MCTP1: variants seen among roughly 807,000 people sequenced by gnomAD.
MCTP1 encodes multiple C2 and transmembrane domain-containing protein 1.
A neutral mutation model predicts 120.6 loss-of-function variants in MCTP1; 69 were observed. The ratio of observed to expected loss-of-function variants is 0.57; its 90% CI spans 0.47 to 0.70. The LOEUF (loss-of-function observed/expected upper bound fraction) is 0.70, where lower values mean the gene tolerates loss of function less well. MCTP1 is among the 30% of genes least tolerant of loss of function. The pLI is 0.00. For synonymous variants in MCTP1, 529 were observed against 493.1 expected, an observed-to-expected ratio of 1.07 and a Z score of -0.96; for missense variants, 1,203 against 1,248.8, an observed-to-expected ratio of 0.96 and a Z score of 0.55.
intron 18 of MCTP1, among the ~76,000 whole-genome samples, chr5:94,796,598 T>C (rs533103972): frequency 0.018 from 1,557 of 88,326 alleles, 12 homozygotes; most frequent in Middle Eastern, 0.057. Context: ...CACACACACA[T>C]ATATATAATA....
At chr5:94,731,221 A>C (rs1334642726) in intron 19 of MCTP1, among the ~76,000 whole-genome samples, 1 of 152,122 alleles carries the variant, frequency 6.6e-6, no homozygotes, top group South Asian at 2.1e-4. Flanking sequence ...TTTGGGTCTA[A>C]TAGGGGGAAT....
chr5:95,194,168 A>T (rs1341577043), intron 1 of MCTP1, among the ~76,000 whole-genome samples: 1 of 152,120 alleles, frequency 6.6e-6, no homozygotes, highest in East Asian at 1.9e-4. Context: ...GTGAGCTATG[A>T]TTGTGCCTGG....
In MCTP1 at chr5:95,020,626, C is replaced by G. The variant is rs368226689; in HGVS notation, c.721-3142G>C. Among the ~76,000 whole-genome samples the G allele has an allele frequency of 3.4e-4, 51 of 152,048 alleles. No homozygotes were observed. In the South Asian group the frequency reaches 0.01, roughly 31 times the overall value. ...AGTTAAAGCTGTCCTTTTTTCCCCT[C>G]TAATGACTTCTGTATTTCTTATCTT... On this transcript the variant is annotated intron_variant, in intron 1 of 22. Coordinates refer to ENST00000515393, the MANE Select transcript of MCTP1 (RefSeq NM_024717.7).
intron 17 of MCTP1, among the ~76,000 whole-genome samples, chr5:94,817,950 T>C (rs1325736693): frequency 6.6e-6 from 1 of 152,174 alleles, no homozygotes; most frequent in Non-Finnish European, 1.5e-5. Flanking sequence ...GTGGTGGACA[T>C]TTGACCCAGA....
At chr5:94,919,174 A>T (rs908850407) in intron 7 of MCTP1, among the ~76,000 whole-genome samples, 1 of 152,222 alleles carries the variant, frequency 6.6e-6, no homozygotes, top group African/African-American at 2.4e-5. Context: ...TAATAACCCT[A>T]GCATATGTTA....
At chr5:94,930,424 C>A (rs1443335094) in intron 6 of MCTP1, among the ~76,000 whole-genome samples, 1 of 151,684 alleles carries the variant, frequency 6.6e-6, no homozygotes, top group Non-Finnish European at 1.5e-5. Context: ...CAGGCATGTG[C>A]CACTACGTCT....
chr5:95,261,562 C>G (rs1758472808), intron 1 of MCTP1, among the ~76,000 whole-genome samples: 1 of 152,212 alleles, frequency 6.6e-6, no homozygotes, highest in Non-Finnish European at 1.5e-5. Flanking sequence ...TTTCTTCATC[C>G]TTCCATAAAT....
intron 1 of MCTP1, among the ~76,000 whole-genome samples, chr5:95,181,262 T>TC (rs1363135790): frequency 2.6e-5 from 4 of 152,216 alleles, no homozygotes; most frequent in Non-Finnish European, 5.9e-5. Context: ...CTGTGATCTG[T>TC]CCTCTTTGTG....
chr5:94,737,064 C>T (rs1764435508), intron 19 of MCTP1, among the ~76,000 whole-genome samples: 1 of 152,168 alleles, frequency 6.6e-6, no homozygotes, highest in Non-Finnish European at 1.5e-5. Context: ...TCATGACTCA[C>T]CACAGCCCTG....
intron 3 of MCTP1, among the ~76,000 whole-genome samples, chr5:94,944,072 G>A (rs1007130751): frequency 1.1e-4 from 16 of 151,712 alleles, no homozygotes; most frequent in African/African-American, 3.6e-4. Context: ...TCTATTACAG[G>A]TGTACTTCAA....
intron 17 of MCTP1, among the ~76,000 whole-genome samples, chr5:94,833,359 T>C (rs997832228): frequency 3.3e-5 from 5 of 152,212 alleles, no homozygotes; most frequent in Admixed American, 2.0e-4. Flanking sequence ...GTATCCTCCC[T>C]ACACAACACC....
At chr5:94,919,887 G>C (rs977666661) in intron 7 of MCTP1, among the ~76,000 whole-genome samples, 2 of 152,192 alleles carry the variant, frequency 1.3e-5, no homozygotes, top group African/African-American at 4.8e-5. Flanking sequence ...CCAGTGCTTT[G>C]TCCAGCGCAG....
At chr5:95,209,329 G>C (rs1029009686) in intron 1 of MCTP1, among the ~76,000 whole-genome samples, 1 of 152,074 alleles carries the variant, frequency 6.6e-6, no homozygotes, top group African/African-American at 2.4e-5. Flanking sequence ...TCTCAACTTA[G>C]TCCATGGTCT....
chr5:94,754,294 A>G (rs563554038), intron 19 of MCTP1, among the ~76,000 whole-genome samples: 28 of 152,342 alleles, frequency 1.8e-4, no homozygotes, highest in African/African-American at 5.5e-4. Context: ...GAAGCTGGGA[A>G]GGTCCGTCAG....
chr5:95,241,364 G>A (rs538678105), intron 1 of MCTP1, among the ~76,000 whole-genome samples: 2 of 152,230 alleles, frequency 1.3e-5, no homozygotes, highest in South Asian at 2.1e-4. Flanking sequence ...CTAAAATGAG[G>A]ATAATGCCAT....
chr5:95,027,633 C>T (rs547937053), intron 1 of MCTP1, among the ~76,000 whole-genome samples: 17 of 152,270 alleles, frequency 1.1e-4, no homozygotes, highest in African/African-American at 3.9e-4. Flanking sequence ...AACCAAAGCA[C>T]AGTAATGACA....
intron 1 of MCTP1, among the ~76,000 whole-genome samples, chr5:95,232,781 C>G (rs997525217): frequency 6.6e-6 from 1 of 152,046 alleles, no homozygotes; most frequent in African/African-American, 2.4e-5. Context: ...ATGTATCATG[C>G]TAATACTAAT....
chr5:94,879,730 A>G (rs1464731955), intron 12 of MCTP1, among the ~76,000 whole-genome samples: 2 of 152,132 alleles, frequency 1.3e-5, no homozygotes, highest in African/African-American at 4.8e-5. Context: ...TAAGAATAAA[A>G]AAGGCAAATA....
chr5:94,923,788 G>T (rs776449434), intron 7 of MCTP1, among the ~76,000 whole-genome samples, 174 bp downstream of exon 7: 22 of 152,142 alleles, frequency 1.4e-4, no homozygotes, highest in Admixed American at 1.3e-4. Flanking sequence ...TTTTACAAGT[G>T]TAGAAATAAA....
Sources: gnomAD v4.1 joint callset for allele counts (sites outside exome capture counted in the v4.1 genomes callset) on GRCh38, gnomAD v4.1.1 for gene constraint, MANE v1.5 for transcripts, NCBI Gene and HGNC (gene_info 2026-07-23, HGNC 2026-07-21) for gene names.